SHPK: variants seen among roughly 807,000 people sequenced by gnomAD.
The protein encoded by SHPK is sedoheptulokinase, also known as carbohydrate kinase-like protein.
Under a neutral mutation model 46.3 loss-of-function variants are expected in SHPK, and 51 were observed. The observed-to-expected ratio is 1.10, with a 90% CI of 0.88 to 1.39. The LOEUF is 1.39. Among genes scored for constraint, SHPK ranks in the 40% most tolerant of loss-of-function variants. The pLI is 0.00. For missense variants in SHPK, 668 were observed against 641.3 expected, an observed-to-expected ratio of 1.04 and a Z score of -0.45; for synonymous variants, 290 against 273.9, an observed-to-expected ratio of 1.06 and a Z score of -0.58.
chr17:3,624,302 CT>C lies in SHPK; in HGVS notation c.311-72del, dbSNP rs150889000. On this transcript the variant is annotated intron_variant, in intron 2 of 6. Transcript: ENST00000225519. ...TAGGCATGGCGCGGCCTTGATACTACTCTGCTGGTGAGTGACAAAATATGTG... is the reference window on the plus strand; with the variant it reads ...TAGGCATGGCGCGGCCTTGATACTACCTGCTGGTGAGTGACAAAATATGTG... 4,430 of 1,412,196 alleles carry C rather than the reference CT, an allele frequency of 3.1e-3. 77 individuals carry two copies. In the East Asian group the frequency reaches 0.038, roughly 12 times the overall value. 87.5% of individuals were successfully genotyped at this position (1,412,196 alleles called of 1,614,324 possible).
intron 2 of SHPK, among the ~76,000 whole-genome samples, chr17:3,627,573 T>C (rs1224143874): frequency 6.6e-6 from 1 of 152,114 alleles, no homozygotes; most frequent in Non-Finnish European, 1.5e-5. Context: ...GTGATTTCAC[T>C]TGACTTCACT....
At position 3,636,236 on chromosome 17, in the gene SHPK, G is replaced by A; in HGVS notation, c.-17C>T. The A allele has an allele frequency of 2.5e-6, 4 of 1,588,740 alleles. No homozygotes were observed. Among genetic ancestry groups the A allele is most frequent in the Non-Finnish European group, 3.4e-6 (4 of 1,163,118 alleles). On this transcript the variant is annotated 5_prime_UTR_variant, in exon 1 of 7. Coordinates refer to ENST00000225519, the MANE Select transcript of SHPK (RefSeq NM_013276.4). ...CGCAGCCATTATCTCCCTGACCCGC[G>A]CAGCTCCAGTCTGCAGCCAGCGGCC... is the stretch of plus-strand genomic sequence containing the variant.
intron 1 of SHPK, among the ~76,000 whole-genome samples, chr17:3,633,879 A>G (rs1263103526): frequency 1.3e-5 from 2 of 152,002 alleles, no homozygotes; most frequent in Admixed American, 6.6e-5. Context: ...GTGTCTGTGT[A>G]GAAAGAAGTA....
chr17:3,636,120 C>A lies in SHPK; in HGVS notation c.100G>T (p.Val34Leu), dbSNP rs1044491942. 6.2e-7 allele frequency: 1 copy of A among 1,610,082 alleles called. No individual in the cohort carries two copies. The highest frequency in any genetic ancestry group is 1.3e-5 in the African/African-American group (1 of 74,782). Residue 34 changes from valine to leucine, a missense_variant, in exon 1 of 7, where the codon GTG becomes TTG. Physicochemically the swap from Val to Leu is conservative, Grantham distance 32. Transcript: ENST00000225519. ...GCAGCACGGGCACAGCTCGCCAGCA[C>A]TGCGAACCCGGATGGGTCGTCGGGC... ...AAPDDPSGFA[V>L]LASCARAARA...
intron 4 of SHPK, 54 bp from the exon 5 acceptor site, chr17:3,621,466 T>C (rs1473764118): frequency 1.1e-5 from 17 of 1,535,186 alleles, no homozygotes; most frequent in East Asian, 2.3e-5. Flanking sequence ...TTCGGGAATT[T>C]AAGGGATCCT....
At chr17:3,618,771 C>T (rs1378192478) in intron 5 of SHPK, among the ~76,000 whole-genome samples, 1 of 150,230 alleles carries the variant, frequency 6.7e-6, no homozygotes, top group African/African-American at 2.5e-5. Context: ...GAGAACAAGA[C>T]TCCATCTCAA....
chr17:3,616,497 G>C (rs889265970), intron 5 of SHPK, among the ~76,000 whole-genome samples: 3 of 152,144 alleles, frequency 2.0e-5, no homozygotes, highest in Non-Finnish European at 2.9e-5. Context: ...GCAACCTCAC[G>C]AGAGACCTTG....
chr17:3,623,561 C>G (rs1597573766), intron 3 of SHPK, 70 bp from the exon 4 acceptor site: 1 of 1,491,478 alleles, frequency 6.7e-7, no homozygotes, highest in East Asian at 2.3e-5. Context: ...CACCTAGCTG[C>G]AGGCAGCAGG....
At chr17:3,623,317 C>A (rs756329917) in intron 4 of SHPK, 22 bp downstream of exon 4, 3 of 1,613,476 alleles carry the variant, frequency 1.9e-6, no homozygotes, top group Non-Finnish European at 2.5e-6. Context: ...GGAGGAACAG[C>A]CTGCAAGGAT....
intron 6 of SHPK, among the ~76,000 whole-genome samples, chr17:3,613,674 AT>A (rs1457979689): frequency 1.3e-5 from 2 of 151,958 alleles, no homozygotes; most frequent in African/African-American, 4.8e-5. Context: ...TGGCTATTTT[AT>A]TTTTTAAATC....
At chr17:3,629,739 A>AAG (rs1351712870) in intron 2 of SHPK, among the ~76,000 whole-genome samples, 2 of 151,642 alleles carry the variant, frequency 1.3e-5, no homozygotes, top group East Asian at 3.9e-4. Context: ...AAAAAAAAAA[A>AAG]AAAAAAAAGA....
At chr17:3,625,999 G>A (rs2075433752) in intron 2 of SHPK, among the ~76,000 whole-genome samples, 1 of 152,204 alleles carries the variant, frequency 6.6e-6, no homozygotes. Flanking sequence ...GTTGCAGTGA[G>A]CTGAGATCGC....
chr17:3,620,080 GC>G (rs1193696910), intron 5 of SHPK, among the ~76,000 whole-genome samples: 1 of 152,188 alleles, frequency 6.6e-6, no homozygotes, highest in Non-Finnish European at 1.5e-5. Context: ...GTCTATGGCT[GC>G]TTTTGAATTC....
chr17:3,635,796 G>T (rs1244728329), intron 1 of SHPK, among the ~76,000 whole-genome samples: 1 of 151,646 alleles, frequency 6.6e-6, no homozygotes, highest in African/African-American at 2.4e-5. Context: ...AGCGCCAAGC[G>T]CAAGGCCCCC....
chr17:3,616,837 A>C (rs1040903131), intron 5 of SHPK, among the ~76,000 whole-genome samples: 4 of 152,238 alleles, frequency 2.6e-5, no homozygotes, highest in African/African-American at 9.6e-5. Flanking sequence ...TCCCAGGTTC[A>C]AGTGACTCTC....
intron 2 of SHPK, among the ~76,000 whole-genome samples, chr17:3,626,545 T>G (rs530316221): frequency 6.6e-6 from 1 of 151,938 alleles, no homozygotes; most frequent in East Asian, 1.9e-4. Flanking sequence ...GTGAAACCCC[T>G]TCTCTGCTAA....
At chr17:3,615,910 A>C (rs2075369230) in intron 5 of SHPK, among the ~76,000 whole-genome samples, 1 of 147,598 alleles carries the variant, frequency 6.8e-6, no homozygotes, top group Non-Finnish European at 1.5e-5. Context: ...GCTGGAGTGC[A>C]ATGGTGCGAT....
intron 1 of SHPK, among the ~76,000 whole-genome samples, chr17:3,631,816 C>A (rs2075474310): frequency 6.6e-6 from 1 of 151,772 alleles, no homozygotes; most frequent in Admixed American, 6.6e-5. Flanking sequence ...GCCACCGCAC[C>A]CAGCCTTGAT....
In SHPK at chr17:3,624,072, G is replaced by A; in HGVS notation, c.470C>T (p.Thr157Ile). The A allele has an allele frequency of 1.2e-6, 2 of 1,609,092 alleles. No individual in the cohort carries two copies. The highest frequency in any genetic ancestry group is 1.7e-6 in the Non-Finnish European group (2 of 1,176,160). Reference protein sequence around the residue: ...LSVATGFGCATIFWLLKYRPE... With the variant: ...LSVATGFGCAIIFWLLKYRPE... ...CCGATATTTCAAAAGCCAGAAGATGGTTGCACAGCCGAAGCCCGTGGCCAC... is the reference window on the plus strand; with the variant it reads ...CCGATATTTCAAAAGCCAGAAGATGATTGCACAGCCGAAGCCCGTGGCCAC... The change falls in exon 3 of 7, where the codon ACC becomes ATC. Residue 157 changes from threonine (T) to isoleucine (I), a missense_variant. Transcript: ENST00000225519.
Sources: allele counts gnomAD v4.1 joint callset (sites outside exome capture counted in the v4.1 genomes callset), GRCh38; gene constraint gnomAD v4.1.1; transcripts MANE v1.5; gene names NCBI Gene and HGNC (gene_info 2026-07-23, HGNC 2026-07-21).